The following VPS13A variants were observed in gnomAD, a reference collection of about 807,000 sequenced individuals.
The protein encoded by VPS13A is vacuolar protein sorting 13 homolog A, also known as intermembrane lipid transfer protein VPS13A.
A neutral mutation model predicts 390.9 loss-of-function variants in VPS13A; 264 were observed. The observed-to-expected ratio is 0.68, with a 90% CI of 0.61 to 0.75. The LOEUF is 0.75. Among genes scored for constraint, VPS13A ranks in the 30% least tolerant of loss-of-function variants. The probability of loss-of-function intolerance (pLI) is 0.00; values close to 1 mark genes in which losing one functional copy is unlikely to be tolerated. For missense variants in VPS13A, 3,409 were observed against 3,733.9 expected, an observed-to-expected ratio of 0.91 and a Z score of 2.27; for synonymous variants, 1,231 against 1,227.1, an observed-to-expected ratio of 1.00 and a Z score of -0.07.
At chr9:77,326,090 G>T (rs1367468718) in intron 45 of VPS13A, among the ~76,000 whole-genome samples, 1 of 152,076 alleles carries the variant, frequency 6.6e-6, no homozygotes, top group Non-Finnish European at 1.5e-5. Flanking sequence ...GCTGTCTGCT[G>T]TATTGCATTG....
At chr9:77,303,695 A>T (rs571183322) in intron 34 of VPS13A, among the ~76,000 whole-genome samples, 63 of 152,286 alleles carry the variant, frequency 4.1e-4, no homozygotes, top group South Asian at 3.9e-3. Context: ...GTGTGAGCAA[A>T]AGAATCTATG....
At chr9:77,224,954 G>A (rs922462888) in intron 13 of VPS13A, among the ~76,000 whole-genome samples, 6 of 152,166 alleles carry the variant, frequency 3.9e-5, no homozygotes, top group South Asian at 2.1e-4. Flanking sequence ...TATCAACATC[G>A]AGGCAAGATC....
At chr9:77,241,805 C>G (rs1247845736) in intron 19 of VPS13A, among the ~76,000 whole-genome samples, 1 of 152,156 alleles carries the variant, frequency 6.6e-6, no homozygotes, top group Non-Finnish European at 1.5e-5. Context: ...GGGCTACATA[C>G]CTCCTTGAGG....
intron 61 of VPS13A, 88 bp from the exon 62 acceptor site, chr9:77,367,967 A>G (rs1832528412): frequency 1.6e-6 from 2 of 1,236,156 alleles, no homozygotes; most frequent in East Asian, 5.1e-5. Context: ...TGGAGAAAAG[A>G]TTCTAAAGAA....
intron 52 of VPS13A, among the ~76,000 whole-genome samples, chr9:77,347,859 T>G (rs1029488447): frequency 2.0e-5 from 3 of 146,564 alleles, no homozygotes; most frequent in African/African-American, 7.7e-5. Flanking sequence ...CTATACAAAG[T>G]GAAGTTTTTT....
chr9:77,414,772 A>G (rs1835102922), intron 71 of VPS13A, among the ~76,000 whole-genome samples: 1 of 150,778 alleles, frequency 6.6e-6, no homozygotes, highest in Admixed American at 6.6e-5. Context: ...AATAATAAAA[A>G]CTTAGAGTAA....
intron 17 of VPS13A, among the ~76,000 whole-genome samples, chr9:77,230,564 T>A (rs1417406567): frequency 6.6e-6 from 1 of 152,128 alleles, no homozygotes; most frequent in Non-Finnish European, 1.5e-5. Flanking sequence ...TCTAGACTCT[T>A]AATTCTAATC....
At chr9:77,260,351 CTT>C (rs750675055) in intron 23 of VPS13A, 127 bp downstream of exon 23, 17,721 of 359,470 alleles carry the variant, frequency 0.049, no homozygotes, top group South Asian at 0.069. Context: ...AAGAAAATTA[CTT>C]TTTTTTTTTT....
chr9:77,304,736 A>G (rs760600097), intron 34 of VPS13A, among the ~76,000 whole-genome samples: 2 of 152,158 alleles, frequency 1.3e-5, no homozygotes, highest in Non-Finnish European at 2.9e-5. Context: ...CCACAAGTTC[A>G]TATTTTTTTC....
intron 68 of VPS13A, among the ~76,000 whole-genome samples, chr9:77,396,668 T>A (rs951101412): frequency 7.9e-5 from 12 of 152,184 alleles, no homozygotes; most frequent in Admixed American, 7.9e-4. Context: ...TAAAACTTTC[T>A]TTATCCCTAA....
At chr9:77,237,090 A>T (rs1564653644) in intron 17 of VPS13A, among the ~76,000 whole-genome samples, 1 of 151,886 alleles carries the variant, frequency 6.6e-6, no homozygotes, top group Non-Finnish European at 1.5e-5. Context: ...GAGTTTCACC[A>T]TGTTGGCCAG....
At chr9:77,224,190 GA>G (rs1281771595) in intron 13 of VPS13A, among the ~76,000 whole-genome samples, 2 of 152,130 alleles carry the variant, frequency 1.3e-5, no homozygotes, top group African/African-American at 4.8e-5. Flanking sequence ...CAAAAGCTCT[GA>G]TAGAGATATA....
intron 26 of VPS13A, among the ~76,000 whole-genome samples, chr9:77,277,459 A>G (rs1303544122): frequency 6.6e-6 from 1 of 152,184 alleles, no homozygotes; most frequent in African/African-American, 2.4e-5. Context: ...CACAATTTAC[A>G]TTAAGGTTCA....
At chr9:77,387,944 T>A (rs897589718) in intron 68 of VPS13A, among the ~76,000 whole-genome samples, 3 of 152,184 alleles carry the variant, frequency 2.0e-5, no homozygotes, top group Admixed American at 6.5e-5. Context: ...TTTGTCTGAT[T>A]TAAGTCTTGT....
intron 23 of VPS13A, among the ~76,000 whole-genome samples, chr9:77,260,856 T>C (rs1825720600): frequency 6.6e-6 from 1 of 151,780 alleles, no homozygotes; most frequent in Admixed American, 6.6e-5. Context: ...AGAACATGCA[T>C]GTGTGTGTGT....
intron 31 of VPS13A, among the ~76,000 whole-genome samples, chr9:77,292,736 T>A (rs1269215941): frequency 6.6e-6 from 1 of 152,088 alleles, no homozygotes; most frequent in African/African-American, 2.4e-5. Flanking sequence ...TCTTCCAAAA[T>A]TTTTTTTAAC....
rs1825475980 is a variant in VPS13A, at chr9:77,203,830, A to C, written c.188-1483A>C. 2.6e-5 allele frequency among the ~76,000 whole-genome samples: 4 copies of C among 152,150 alleles called. No homozygotes were observed. The South Asian group carries it at 8.3e-4, about 32-fold the overall frequency. Reference sequence around the variant, plus strand: ...TTGGTTATATTTTTGGTCTGTACAGAAATTTGAAATGATCCCCATGTTCTC... The same window carrying C: ...TTGGTTATATTTTTGGTCTGTACAGCAATTTGAAATGATCCCCATGTTCTC... On this transcript the variant is annotated intron_variant, in intron 3 of 71. Coordinates refer to ENST00000360280, the MANE Select transcript of VPS13A (RefSeq NM_033305.3).
chr9:77,418,205 C>G lies in VPS13A; in HGVS notation c.*2199C>G, dbSNP rs1835229685. ...ACATTTAACTACAAGAAATGGCTCT[C>G]TGCTGGAGAAATTTAAGCTTGTCTT... On this transcript the variant is annotated 3_prime_UTR_variant, in exon 72 of 72. Coordinates refer to ENST00000360280, the MANE Select transcript of VPS13A (RefSeq NM_033305.3). The G allele has an allele frequency of 6.6e-6, 1 of 152,216 alleles. No individual in the cohort carries two copies. Among genetic ancestry groups the G allele is most frequent in the African/African-American group, 2.4e-5 (1 of 41,460 alleles). 9.4% of individuals were successfully genotyped at this position (152,216 alleles called of 1,614,324 possible). A position where few individuals can be genotyped will look rare whatever the true frequency, so the allele number is the denominator to read the frequency against.
Position 77,226,071 on chromosome 9 carries a change from G to A in VPS13A, c.1224+83G>A, listed in dbSNP as rs184973005. On this transcript the variant is annotated intron_variant, in intron 14 of 71. Coordinates refer to ENST00000360280, the MANE Select transcript of VPS13A (RefSeq NM_033305.3). Reference sequence around the variant, plus strand: ...GATGTGATATTATTAATCTTATACTGTAACATATTGTTTCCAAAAAGTGGT... The same window carrying A: ...GATGTGATATTATTAATCTTATACTATAACATATTGTTTCCAAAAAGTGGT... 1.1e-4 allele frequency: 135 copies of A among 1,264,956 alleles called. No homozygotes were observed. The African/African-American group carries it at 1.9e-3, about 18-fold the overall frequency. 78.4% of individuals were successfully genotyped at this position (1,264,956 alleles called of 1,614,324 possible).
Sources: allele counts gnomAD v4.1 joint callset (sites outside exome capture counted in the v4.1 genomes callset), GRCh38; gene constraint gnomAD v4.1.1; transcripts MANE v1.5; gene names NCBI Gene and HGNC (gene_info 2026-07-23, HGNC 2026-07-21).